The following FAM149A variants were observed in gnomAD, a reference collection of about 807,000 sequenced individuals.
FAM149A encodes protein FAM149A.
In FAM149A, 71 loss-of-function variants were observed where a neutral mutation model predicts 78.2. The ratio of observed to expected loss-of-function variants is 0.91; its 90% CI spans 0.75 to 1.11. The LOEUF (loss-of-function observed/expected upper bound fraction) is 1.11. Ranked by LOEUF, FAM149A falls within the 50% of genes least tolerant of loss-of-function variation. The probability of loss-of-function intolerance (pLI) is 0.00; values close to 1 mark genes in which losing one functional copy is unlikely to be tolerated. For missense variants in FAM149A, 1,036 were observed against 971.0 expected (o/e 1.07, Z -0.89); for synonymous variants, 446 against 410.5 (o/e 1.09, Z -1.04).
chr4:186,119,583 A>G (rs1016661276), intron 1 of FAM149A, among the ~76,000 whole-genome samples: 35 of 152,226 alleles, frequency 2.3e-4, no homozygotes, highest in East Asian at 1.3e-3. Context: ...ATATAATCTT[A>G]GAATCATTGC....
Position 186,153,748 on chromosome 4 carries a change from G to C in FAM149A, c.1036G>C (p.Gly346Arg), listed in dbSNP as rs201271535. 1 of 1,610,534 alleles carries C rather than the reference G, an allele frequency of 6.2e-7. No individual in the cohort carries two copies. Among genetic ancestry groups the C allele is most frequent in the South Asian group, 1.1e-5 (1 of 90,944 alleles). The change falls in exon 5 of 14, where the codon GGA becomes CGA. Residue 346 changes from glycine to arginine, a missense_variant. By Grantham distance (125) the Gly-to-Arg change is moderately radical (BLOSUM62 -2). This residue lies in a region of FAM149A where 716 missense variants were observed against 711.8 expected (regional missense o/e 1.01). Transcript: ENST00000389354. ...CCACAGACCCCCGCTCAGTGCCTGCGGACACAGCAGCAACATCAGAGAGTA... is the reference window on the plus strand; with the variant it reads ...CCACAGACCCCCGCTCAGTGCCTGCCGACACAGCAGCAACATCAGAGAGTA...
chr4:186,154,929 G>C, intron 6 of FAM149A: 1 of 985,222 alleles, frequency 1.0e-6, no homozygotes, highest in Non-Finnish European at 1.2e-6. Context: ...AAGGGCCTAA[G>C]GGGAGTTCCT....
At chr4:186,158,293 G>A (rs536981035) in intron 8 of FAM149A, 98 of 1,220,768 alleles carry the variant, frequency 8.0e-5, no homozygotes, top group African/African-American at 1.1e-4. Flanking sequence ...TCAGAGAGGC[G>A]TCTTGGCTAG....
chr4:186,123,223 T>C (rs1020944772), intron 1 of FAM149A: 3 of 985,274 alleles, frequency 3.0e-6, no homozygotes, highest in Non-Finnish European at 3.6e-6. Flanking sequence ...GATGTCCAAA[T>C]CTTATTTTTG....
intron 3 of FAM149A, 106 bp from the exon 4 acceptor site, chr4:186,151,797 C>A: frequency 6.7e-7 from 1 of 1,482,518 alleles, no homozygotes; most frequent in South Asian, 1.4e-5. Context: ...CCAAGTGATG[C>A]ACCCTCCTAC....
Position 186,153,880 on chromosome 4 carries a change from G to C in FAM149A, c.1058+110G>C, listed in dbSNP as rs1579892626. ...TGGCTCCACCCATTTTGGAAATTTAGATTCTGATGAAGGGCAGGTACAGAG... is the reference window on the plus strand; with the variant it reads ...TGGCTCCACCCATTTTGGAAATTTACATTCTGATGAAGGGCAGGTACAGAG... On this transcript the variant is annotated intron_variant, in intron 5 of 13. Coordinates refer to ENST00000389354, the MANE Select transcript of FAM149A (RefSeq NM_001367768.3). 38 of 1,257,160 alleles carry C rather than the reference G, an allele frequency of 3.0e-5. No individual in the cohort carries two copies. The East Asian group carries it at 8.7e-4, about 29-fold the overall frequency. The allele number at this position is 1,257,160 out of a possible 1,614,324, so 77.9% of individuals were successfully genotyped here.
intron 8 of FAM149A, chr4:186,158,911 C>A: frequency 1.8e-6 from 1 of 541,156 alleles, no homozygotes; most frequent in Non-Finnish European, 2.4e-6. Context: ...ACATCAGTTT[C>A]TATTTAAAAC....
chr4:186,136,976 T>TCTCTCTCTCTCTCTCTGTCTCTCTC, intron 1 of FAM149A, among the ~76,000 whole-genome samples: 2 of 72,120 alleles, frequency 2.8e-5, no homozygotes, highest in African/African-American at 1.2e-4. Context: ...CTCTCTCTCT[T>TCTCTCTCTCTCTCTCTGTCTCTCTC]TCTCTCTCTC....
At chr4:186,159,138 A>T (rs1734308364) in intron 8 of FAM149A, among the ~76,000 whole-genome samples, 1 of 152,194 alleles carries the variant, frequency 6.6e-6, no homozygotes, top group Non-Finnish European at 1.5e-5. Context: ...GGGCTTACTC[A>T]GCATTTATTG....
chr4:186,143,586 G>A (rs1207372657), intron 1 of FAM149A, among the ~76,000 whole-genome samples: 1 of 151,946 alleles, frequency 6.6e-6, no homozygotes, highest in South Asian at 2.1e-4. Flanking sequence ...TCCCTCTGTC[G>A]CCCAGCCTGG....
At chr4:186,150,609 C>T (rs1465273861) in intron 3 of FAM149A, among the ~76,000 whole-genome samples, 1 of 136,366 alleles carries the variant, frequency 7.3e-6, no homozygotes, top group African/African-American at 2.8e-5. Flanking sequence ...TTAATAGAGA[C>T]GGGGTTTCAC....
chr4:186,130,293 C>CTCTCTCTCTCTCTCTATATA lies in FAM149A; in HGVS notation c.567-18879_567-18878insCTCTCTCTCTCTCTATATAT. ...TCTCTCTCTCTCTCTCTCTCTCTCT[C>CTCTCTCTCTCTCTCTATATA]TATATATATATATATATATATAATC... On this transcript the variant is annotated intron_variant, in intron 1 of 13. Transcript: ENST00000389354. The CTCTCTCTCTCTCTCTATATA allele has an allele frequency of 8.1e-3, 376 of 46,524 alleles. 2 individuals are homozygous for CTCTCTCTCTCTCTCTATATA. Among genetic ancestry groups the CTCTCTCTCTCTCTCTATATA allele is most frequent in the South Asian group, 0.014 (13 of 934 alleles). 2.9% of individuals were successfully genotyped at this position (46,524 alleles called of 1,614,324 possible).
At chr4:186,132,566 T>C (rs1200336525) in intron 1 of FAM149A, among the ~76,000 whole-genome samples, 2 of 152,154 alleles carry the variant, frequency 1.3e-5, no homozygotes, top group East Asian at 3.9e-4. Flanking sequence ...TTTCCAAAGA[T>C]GGTTTTGAGG....
At chr4:186,146,588 G>A (rs894139002) in intron 1 of FAM149A, 10 of 867,678 alleles carry the variant, frequency 1.2e-5, no homozygotes, top group Middle Eastern at 5.9e-4. Flanking sequence ...AAACAAACTC[G>A]CATGCGTCCC....
At chr4:186,109,777 C>G in intron 1 of FAM149A, 1 of 982,438 alleles carries the variant, frequency 1.0e-6, no homozygotes, top group Non-Finnish European at 1.2e-6. Flanking sequence ...AAAAATGATT[C>G]ATTATATTTA....
intron 11 of FAM149A, 98 bp from the exon 12 acceptor site, chr4:186,166,870 C>G: frequency 8.3e-7 from 1 of 1,210,890 alleles, no homozygotes; most frequent in Non-Finnish European, 1.2e-6. Flanking sequence ...CTAAAAGTTT[C>G]CAAATAGATG....
chr4:186,144,952 G>A lies in FAM149A; in HGVS notation c.567-4221G>A, dbSNP rs1000246288. On this transcript the variant is annotated intron_variant, in intron 1 of 13. Transcript: ENST00000389354. This position sits in a 1 kb window ranked among gnomAD's most constrained non-coding sequence, Gnocchi z 4.2. The stretch of plus-strand genomic sequence containing the variant: ...GGGCGCGGGCGCGGGCGCGGGCGCG[G>A]GCGCGGGCGGGTGGGGAGCCCCAGC... The A allele has an allele frequency of 3.1e-6, 3 of 974,610 alleles. No individual in the cohort carries two copies. Among genetic ancestry groups the A allele is most frequent in the Non-Finnish European group, 3.6e-6 (3 of 825,018 alleles). 60.4% of individuals were successfully genotyped at this position (974,610 alleles called of 1,614,324 possible).
intron 4 of FAM149A, among the ~76,000 whole-genome samples, chr4:186,152,973 CT>C (rs1484941852): frequency 6.6e-6 from 1 of 151,954 alleles, no homozygotes; most frequent in African/African-American, 2.4e-5. Context: ...GCTGGATTTC[CT>C]GGTTACATTC....
intron 1 of FAM149A, among the ~76,000 whole-genome samples, chr4:186,133,623 G>A (rs1319978934): frequency 6.6e-6 from 1 of 151,990 alleles, no homozygotes; most frequent in Non-Finnish European, 1.5e-5. Flanking sequence ...TGGACATTTG[G>A]GTTGCTTCCC....
Sources: gnomAD v4.1 joint callset for allele counts (sites outside exome capture counted in the v4.1 genomes callset) on GRCh38, gnomAD v4.1.1 for gene constraint, gnomAD v4.1.1 regional missense constraint, Gnocchi (gnomAD v3.1) non-coding constraint, MANE v1.5 for transcripts, NCBI Gene and HGNC (gene_info 2026-07-23, HGNC 2026-07-21) for gene names.